Variants in DLGAP1 observed in about 807,000 individuals in gnomAD.
The protein encoded by DLGAP1 is disks large-associated protein 1.
A neutral mutation model predicts 90.8 loss-of-function variants in DLGAP1; 11 were observed. The ratio of observed to expected loss-of-function variants is 0.12; its 90% CI spans 0.08 to 0.20. The LOEUF is 0.20. Ranked by LOEUF, DLGAP1 falls within the 10% of genes least tolerant of loss-of-function variation. The pLI is 1.00. For missense variants in DLGAP1, 1,050 were observed against 1,333.8 expected (o/e 0.79, Z 3.31); for synonymous variants, 558 against 540.7 (o/e 1.03, Z -0.44).
intron 11 of DLGAP1, among the ~76,000 whole-genome samples, chr18:3,504,210 GT>G (rs1363376300): frequency 6.6e-6 from 1 of 151,860 alleles, no homozygotes; most frequent in African/African-American, 2.4e-5. Flanking sequence ...AGTTTATAAA[GT>G]TTTTTTTAGT....
intron 4 of DLGAP1, among the ~76,000 whole-genome samples, chr18:3,866,217 T>C (rs2070373335): frequency 6.6e-6 from 1 of 152,258 alleles, no homozygotes; most frequent in East Asian, 1.9e-4. Flanking sequence ...CAGTCTGGAC[T>C]GCTGCTGCTG....
intron 1 of DLGAP1, among the ~76,000 whole-genome samples, chr18:4,343,763 C>T (rs1025384135): frequency 2.0e-5 from 3 of 152,012 alleles, no homozygotes; most frequent in Non-Finnish European, 2.9e-5. Flanking sequence ...CAAACCTGCA[C>T]GTTCTGCACA....
At chr18:3,954,494 AAAT>A (rs1211217698) in intron 3 of DLGAP1, among the ~76,000 whole-genome samples, 1 of 152,230 alleles carries the variant, frequency 6.6e-6, no homozygotes, top group Non-Finnish European at 1.5e-5. Flanking sequence ...CTAGTAAGTA[AAAT>A]AATAAAACTA....
intron 1 of DLGAP1, among the ~76,000 whole-genome samples, chr18:4,255,061 C>G (rs1025139125): frequency 6.6e-6 from 1 of 152,144 alleles, no homozygotes; most frequent in African/African-American, 2.4e-5. Context: ...AAAGCAGAGC[C>G]GAGTGCTGGG....
chr18:4,329,844 G>C (rs2080909098), intron 1 of DLGAP1, among the ~76,000 whole-genome samples: 1 of 151,880 alleles, frequency 6.6e-6, no homozygotes. Context: ...GTTTTCTTTT[G>C]TTATAATGTC....
chr18:3,523,669 A>C (rs1216264514), intron 10 of DLGAP1, among the ~76,000 whole-genome samples: 1 of 152,046 alleles, frequency 6.6e-6, no homozygotes, highest in East Asian at 2.0e-4. Flanking sequence ...AACACGGTGA[A>C]ACCCCGTCTC....
intron 1 of DLGAP1, among the ~76,000 whole-genome samples, chr18:4,356,491 G>C (rs574811191): frequency 1.3e-5 from 2 of 152,112 alleles, no homozygotes; most frequent in East Asian, 3.9e-4. Context: ...TATATTTCTA[G>C]CAACACAAGT....
At chr18:4,451,020 G>A (rs2083813303) in intron 1 of DLGAP1, among the ~76,000 whole-genome samples, 2 of 152,146 alleles carry the variant, frequency 1.3e-5, no homozygotes, top group East Asian at 3.8e-4. Flanking sequence ...TTCCTAAGTG[G>A]GATGTTACTT....
intron 9 of DLGAP1, among the ~76,000 whole-genome samples, chr18:3,539,977 C>G (rs2052593847): frequency 6.6e-6 from 1 of 152,146 alleles, no homozygotes; most frequent in Non-Finnish European, 1.5e-5. Flanking sequence ...TTTGTACATG[C>G]CTTTAGACAT....
intron 1 of DLGAP1, among the ~76,000 whole-genome samples, chr18:4,165,319 A>T (rs190401418): frequency 5.9e-5 from 9 of 152,360 alleles, no homozygotes; most frequent in African/African-American, 2.2e-4. Context: ...GAAAGTGGCA[A>T]AACGGTTTTC....
intron 7 of DLGAP1, among the ~76,000 whole-genome samples, chr18:3,689,869 A>C (rs563163824): frequency 2.5e-4 from 38 of 152,344 alleles, no homozygotes; most frequent in Admixed American, 1.2e-3. Context: ...ATATGTTAAT[A>C]AGCACTGTGA....
intron 1 of DLGAP1, among the ~76,000 whole-genome samples, chr18:4,247,323 A>T (rs2078672568): frequency 6.6e-6 from 1 of 152,176 alleles, no homozygotes; most frequent in South Asian, 2.1e-4. Flanking sequence ...AGGAAGTTGA[A>T]GCATACAAGG....
chr18:3,604,776 G>A (rs2057247049), intron 7 of DLGAP1, among the ~76,000 whole-genome samples: 2 of 152,264 alleles, frequency 1.3e-5, no homozygotes, highest in Middle Eastern at 6.8e-3. Context: ...TTGTCACTTA[G>A]TGGGTAGTGA....
chr18:3,772,368 CTTTCTTTCTTTCTTTCTT>C lies in DLGAP1; in HGVS notation c.1173-29874_1173-29857del, dbSNP rs1271432157. Among the ~76,000 whole-genome samples the C allele has an allele frequency of 1.7e-3, 22 of 13,186 alleles. 1 individual carries two copies. Among genetic ancestry groups the C allele is most frequent in the Admixed American group, 4.8e-3 (3 of 628 alleles). 8.7% of individuals were successfully genotyped at this position (13,186 alleles called of 152,430 possible). ...TCTCTCTTTCTTTCTTTCTTTCTTT[CTTTCTTTCTTTCTTTCTT>C]TCTTTCTTTCTTTCTTTCTTTCTCT... On this transcript the variant is annotated intron_variant, in intron 5 of 12. Coordinates refer to ENST00000315677, the MANE Select transcript of DLGAP1 (RefSeq NM_004746.4).
At chr18:3,725,980 T>C (rs1296924704) in intron 7 of DLGAP1, among the ~76,000 whole-genome samples, 1 of 152,240 alleles carries the variant, frequency 6.6e-6, no homozygotes, top group African/African-American at 2.4e-5. Context: ...TAGCATATTT[T>C]GCTGAAAATG....
chr18:4,429,638 A>C (rs912327995), intron 1 of DLGAP1, among the ~76,000 whole-genome samples: 12 of 152,194 alleles, frequency 7.9e-5, no homozygotes, highest in African/African-American at 2.9e-4. Flanking sequence ...GTGAGTCTAA[A>C]CTGGCAATAC....
intron 1 of DLGAP1, among the ~76,000 whole-genome samples, chr18:4,188,708 C>T (rs1454502616): frequency 6.6e-6 from 1 of 152,140 alleles, no homozygotes; most frequent in Non-Finnish European, 1.5e-5. Context: ...CTTTATCCAG[C>T]CAGTCATTGA....
intron 5 of DLGAP1, among the ~76,000 whole-genome samples, chr18:3,799,813 C>T (rs918349262): frequency 1.1e-4 from 16 of 152,154 alleles, no homozygotes; most frequent in African/African-American, 3.9e-4. Flanking sequence ...ATTCCTCCCT[C>T]CCGCTAATAC....
intron 2 of DLGAP1, among the ~76,000 whole-genome samples, chr18:4,118,087 C>A (rs1568406423): frequency 1.3e-5 from 2 of 152,004 alleles, no homozygotes; most frequent in Non-Finnish European, 2.9e-5. Context: ...GATTGCTCTG[C>A]CATTTTGCAT....
Sources: gnomAD v4.1 joint callset for allele counts (sites outside exome capture counted in the v4.1 genomes callset) on GRCh38, gnomAD v4.1.1 for gene constraint, MANE v1.5 for transcripts, NCBI Gene and HGNC (gene_info 2026-07-23, HGNC 2026-07-21) for gene names.